FRMPD3: variants seen among roughly 807,000 people sequenced by gnomAD.
The protein encoded by FRMPD3 is FERM and PDZ domain-containing protein 3.
In FRMPD3, 42 loss-of-function variants were observed where a neutral mutation model predicts 97.9. That is an observed-to-expected ratio of 0.43 (90% CI 0.34 to 0.55). FRMPD3 has a LOEUF of 0.55. Ranked by LOEUF, FRMPD3 falls within the 20% of genes least tolerant of loss-of-function variation. FRMPD3 has a pLI of 0.03. For synonymous variants in FRMPD3, 577 were observed against 581.1 expected (o/e 0.99, Z 0.10); for missense variants, 1,303 against 1,457.7 (o/e 0.89, Z 1.73).
chrX:107,528,092 G>T (rs1209888946), intron 2 of FRMPD3, among the ~76,000 whole-genome samples: 1 of 110,995 alleles, frequency 9.0e-6, no homozygotes, highest in Non-Finnish European at 1.9e-5. Flanking sequence ...CAATGAAGAA[G>T]GAGTTGGAGG....
intron 2 of FRMPD3, among the ~76,000 whole-genome samples, chrX:107,528,014 A>G (rs964495757): frequency 3.6e-5 from 4 of 111,378 alleles, no homozygotes; most frequent in Non-Finnish European, 5.6e-5. Context: ...TTAACTTCAA[A>G]TGAGACAGAA....
chrX:107,549,610 G>A (rs777278983), intron 5 of FRMPD3, among the ~76,000 whole-genome samples: 14 of 111,773 alleles, frequency 1.3e-4, no homozygotes, highest in African/African-American at 4.6e-4. Context: ...ACGTGATCTT[G>A]GCTTGTGAAG....
Position 107,550,119 on chromosome X carries a change from T to C in FRMPD3, c.473T>C (p.Ile158Thr), listed in dbSNP as rs1251667688. The C allele has an allele frequency of 8.3e-7, 1 of 1,203,251 alleles. No homozygotes were observed. Among genetic ancestry groups the C allele is most frequent in the African/African-American group, 1.7e-5 (1 of 57,628 alleles). The change falls in exon 6 of 15, where the codon ATC becomes ACC. Residue 158 changes from isoleucine to threonine, a missense_variant. By Grantham distance (89) the Ile-to-Thr change is moderately conservative. Transcript: ENST00000683843. ...AAGGTTTTCTTAGAAAATGGGCAGATCAAGTCATTCACATTTGATGGTCGG... is the reference window on the plus strand; with the variant it reads ...AAGGTTTTCTTAGAAAATGGGCAGACCAAGTCATTCACATTTGATGGTCGG... ...VLKVFLENGQ[I>T]KSFTFDGRTT...
At chrX:107,572,098 C>T (rs1207691625) in intron 12 of FRMPD3, among the ~76,000 whole-genome samples, 1 of 112,122 alleles carries the variant, frequency 8.9e-6, no homozygotes, top group African/African-American at 3.3e-5. Flanking sequence ...TCCATGAGGG[C>T]AGGAACTAGG....
intron 1 of FRMPD3, among the ~76,000 whole-genome samples, chrX:107,489,005 T>G (rs1453873924): frequency 1.7e-4 from 11 of 64,802 alleles, no homozygotes; most frequent in South Asian, 1.2e-3. Context: ...CCCACAACAG[T>G]CCCCGGAGTG....
chrX:107,488,105 C>G (rs1377335315), intron 1 of FRMPD3, among the ~76,000 whole-genome samples: 1 of 111,632 alleles, frequency 9.0e-6, no homozygotes, highest in Non-Finnish European at 1.9e-5. Context: ...TACCACACAG[C>G]GTTAAGCTCT....
intron 1 of FRMPD3, among the ~76,000 whole-genome samples, chrX:107,456,505 T>A (rs1218819310): frequency 8.9e-6 from 1 of 112,327 alleles, no homozygotes; most frequent in Admixed American, 9.4e-5. Flanking sequence ...AATATTTCTC[T>A]ATGCATTTCT....
intron 1 of FRMPD3, among the ~76,000 whole-genome samples, chrX:107,503,231 C>T (rs1481072750): frequency 8.9e-6 from 1 of 112,517 alleles, no homozygotes; most frequent in Non-Finnish European, 1.9e-5. Context: ...CCCTGCCTCT[C>T]TGTTTAACCC....
chrX:107,540,847 G>C (rs185904182), intron 4 of FRMPD3, among the ~76,000 whole-genome samples: 10 of 112,520 alleles, frequency 8.9e-5, no homozygotes, highest in African/African-American at 2.9e-4. Flanking sequence ...AATCTGGTGT[G>C]AGCCTAGGCA....
intron 1 of FRMPD3, among the ~76,000 whole-genome samples, chrX:107,498,236 A>G (rs1921821550): frequency 8.9e-6 from 1 of 112,508 alleles, no homozygotes; most frequent in Admixed American, 9.4e-5. Flanking sequence ...AAAGGAATTC[A>G]GATCGCCTGA....
Position 107,449,860 on chromosome X carries a change from C to T in FRMPD3, c.-153C>T, listed in dbSNP as rs1406678070. 3.7e-5 allele frequency among the ~76,000 whole-genome samples: 4 copies of T among 108,753 alleles called. No homozygotes were observed. The highest frequency in any genetic ancestry group is 2.9e-4 in the East Asian group (1 of 3,424). The allele number at this position is 108,753 out of a possible 115,157, so 94.4% of individuals were successfully genotyped here. A position where few individuals can be genotyped will look rare whatever the true frequency, so the allele number is the denominator to read the frequency against. On this transcript the variant is annotated 5_prime_UTR_variant, in exon 1 of 15. Transcript: ENST00000683843. ...CGCCCGGCGCCACTGAGCCCCAAGCCCATGCCGGGCTCGGGGGCACGGGTG... is the reference window on the plus strand; with the variant it reads ...CGCCCGGCGCCACTGAGCCCCAAGCTCATGCCGGGCTCGGGGGCACGGGTG...
At chrX:107,526,850 G>GC in intron 2 of FRMPD3, 114 bp downstream of exon 2, 2 of 816,063 alleles carry the variant, frequency 2.5e-6, no homozygotes, top group Non-Finnish European at 3.4e-6. Flanking sequence ...AAGAATTCAT[G>GC]AAGACTGGTT....
intron 14 of FRMPD3, 32 bp from the exon 15 acceptor site, chrX:107,600,271 A>C: frequency 8.6e-7 from 1 of 1,167,295 alleles, no homozygotes; most frequent in Non-Finnish European, 1.1e-6. Context: ...TGATTTCAGT[A>C]AGCATAACAA....
chrX:107,506,521 A>G (rs186112843), intron 1 of FRMPD3, among the ~76,000 whole-genome samples: 1 of 112,805 alleles, frequency 8.9e-6, no homozygotes, highest in African/African-American at 3.2e-5. Flanking sequence ...TTTCCGTACA[A>G]TGGAGAGGAT....
At chrX:107,553,438 G>A (rs147721372) in intron 7 of FRMPD3, among the ~76,000 whole-genome samples, 1,376 of 108,288 alleles carry the variant, frequency 0.013, 30 homozygotes, top group Admixed American at 0.075. Flanking sequence ...AAAAGTATCC[G>A]GTCTTCCTAG....
chrX:107,550,346 G>A (rs780140817), intron 6 of FRMPD3, among the ~76,000 whole-genome samples, 190 bp downstream of exon 6: 13 of 112,006 alleles, frequency 1.2e-4, no homozygotes, highest in Non-Finnish European at 2.4e-4. Flanking sequence ...GTAGAAGTTT[G>A]CATGCCCAAC....
chrX:107,455,397 A>G (rs924231867), intron 1 of FRMPD3, among the ~76,000 whole-genome samples: 1 of 110,749 alleles, frequency 9.0e-6, no homozygotes, highest in Admixed American at 9.7e-5. Flanking sequence ...TCTACAAAAA[A>G]CTAAAACATT....
chrX:107,538,320 A>G (rs1174795995), intron 4 of FRMPD3, among the ~76,000 whole-genome samples: 1 of 110,341 alleles, frequency 9.1e-6, no homozygotes, highest in Non-Finnish European at 1.9e-5. Context: ...CTCTTTAGCT[A>G]TACTGAAAGC....
At chrX:107,536,526 G>T (rs913300686) in intron 4 of FRMPD3, among the ~76,000 whole-genome samples, 11 of 111,567 alleles carry the variant, frequency 9.9e-5, no homozygotes, top group Non-Finnish European at 1.9e-4. Flanking sequence ...AGTACCCATG[G>T]TATTCCATGG....
Sources: gnomAD v4.1 joint callset for allele counts (sites outside exome capture counted in the v4.1 genomes callset) on GRCh38, gnomAD v4.1.1 for gene constraint, MANE v1.5 for transcripts, NCBI Gene and HGNC (gene_info 2026-07-23, HGNC 2026-07-21) for gene names.